The following TNIK variants were observed in gnomAD, a reference collection of about 807,000 sequenced individuals.
TNIK encodes TRAF2 and NCK interacting kinase.
Under a neutral mutation model 191.3 loss-of-function variants are expected in TNIK, and 49 were observed. That is an observed-to-expected ratio of 0.26 (90% CI 0.20 to 0.32). The LOEUF is 0.32. Ranked by LOEUF, TNIK falls within the 10% of genes least tolerant of loss-of-function variation. The probability of loss-of-function intolerance (pLI) is 1.00; values close to 1 mark genes in which losing one functional copy is unlikely to be tolerated. For missense variants in TNIK, 1,155 were observed against 1,702.3 expected (o/e 0.68, Z 5.66); for synonymous variants, 594 against 600.9 (o/e 0.99, Z 0.17).
chr3:171,293,575 T>C (rs1350703447), intron 2 of TNIK, among the ~76,000 whole-genome samples: 1 of 152,234 alleles, frequency 6.6e-6, no homozygotes, highest in East Asian at 1.9e-4. Flanking sequence ...TAATAGTGGC[T>C]AGTTTCCCCT....
At chr3:171,388,931 T>C (rs191582562) in intron 1 of TNIK, among the ~76,000 whole-genome samples, 69 of 152,288 alleles carry the variant, frequency 4.5e-4, no homozygotes, top group Non-Finnish European at 3.7e-4. Flanking sequence ...TTTAACAGTA[T>C]CAAAACTGAC....
chr3:171,214,515 T>C (rs1451968192), intron 3 of TNIK, among the ~76,000 whole-genome samples: 1 of 152,208 alleles, frequency 6.6e-6, no homozygotes, highest in Non-Finnish European at 1.5e-5. Flanking sequence ...AGAATTTGAA[T>C]AGCCTCTATT....
rs956441097 is a variant in TNIK at position 171,323,136 on chromosome 3, C to A, written c.123+46484G>T. Among the ~76,000 whole-genome samples the A allele has an allele frequency of 3.3e-5, 5 of 152,058 alleles. No homozygotes were observed. In the East Asian group the frequency reaches 7.7e-4, roughly 23 times the overall value. On this transcript the variant is annotated intron_variant, in intron 2 of 32. Transcript: ENST00000436636. ...GTAGTTGATTAGTTGTGACAAAGAC[C>A]GTATTTCTAGAAAGATTGAAATATC...
chr3:171,388,609 G>T (rs1719047034), intron 1 of TNIK, among the ~76,000 whole-genome samples: 1 of 152,102 alleles, frequency 6.6e-6, no homozygotes, highest in African/African-American at 2.4e-5. Context: ...ACTCACATAG[G>T]CATCCTTACA....
intron 1 of TNIK, among the ~76,000 whole-genome samples, chr3:171,375,005 T>C (rs1717023348): frequency 6.6e-6 from 1 of 152,164 alleles, no homozygotes; most frequent in Non-Finnish European, 1.5e-5. Flanking sequence ...AAACCTTGAG[T>C]TCCTAATCAC....
chr3:171,143,676 G>A (rs1289750010), intron 12 of TNIK, among the ~76,000 whole-genome samples: 1 of 152,116 alleles, frequency 6.6e-6, no homozygotes, highest in Non-Finnish European at 1.5e-5. Context: ...GCCGTGTGTG[G>A]GCAAGATCTC....
intron 1 of TNIK, among the ~76,000 whole-genome samples, chr3:171,398,454 C>T (rs184338391): frequency 2.0e-5 from 3 of 152,208 alleles, no homozygotes; most frequent in African/African-American, 7.2e-5. Context: ...AGTACCTGCA[C>T]AGTAGTGTTT....
rs892836742 is a variant in TNIK at position 171,150,465 on chromosome 3, A to C, written c.1221+6995T>G. Among the ~76,000 whole-genome samples the C allele has an allele frequency of 3.3e-5, 5 of 152,186 alleles. No homozygotes were observed. The East Asian group carries it at 9.6e-4, about 29-fold the overall frequency. ...GAAGGTACTATTTCCCTGATGCAAG[A>C]AGCTTGTTATTCACTCAGCACAAGA... On this transcript the variant is annotated intron_variant, in intron 12 of 32. Coordinates refer to ENST00000436636, the MANE Select transcript of TNIK (RefSeq NM_015028.4).
intron 8 of TNIK, 79 bp from the exon 9 acceptor site, chr3:171,175,409 T>G (rs1735843610): frequency 8.0e-7 from 1 of 1,248,108 alleles, no homozygotes; most frequent in African/African-American, 1.5e-5. Flanking sequence ...GTGCAGATAA[T>G]GGCTGCCCAA....
Position 171,347,011 on chromosome 3 carries a change from A to G in TNIK, c.123+22609T>C, listed in dbSNP as rs1402382857. 4 of 852,370 alleles carry G rather than the reference A, an allele frequency of 4.7e-6. No individual in the cohort carries two copies. In the East Asian group the frequency reaches 1.1e-4, roughly 23 times the overall value. 52.8% of individuals were successfully genotyped at this position (852,370 alleles called of 1,614,324 possible). A position where few individuals can be genotyped will look rare whatever the true frequency, so the allele number is the denominator to read the frequency against. On this transcript the variant is annotated intron_variant, in intron 2 of 32. Coordinates refer to ENST00000436636, the MANE Select transcript of TNIK (RefSeq NM_015028.4). The stretch of plus-strand genomic sequence containing the variant: ...GGGGCTGCAAGGATAACATCAAGGG[A>G]CAGTCCTGCAGGCGTTCATATGAGA...
intron 19 of TNIK, among the ~76,000 whole-genome samples, chr3:171,109,822 C>T (rs1725571980): frequency 6.6e-6 from 1 of 152,040 alleles, no homozygotes; most frequent in Non-Finnish European, 1.5e-5. Flanking sequence ...CTCCCCATTA[C>T]TGGAAACTAA....
chr3:171,353,820 A>G (rs1713593340), intron 2 of TNIK, among the ~76,000 whole-genome samples: 1 of 152,236 alleles, frequency 6.6e-6, no homozygotes, highest in African/African-American at 2.4e-5. Context: ...AGCTGAGTTA[A>G]AAAGTTAACT....
intron 10 of TNIK, among the ~76,000 whole-genome samples, chr3:171,165,868 C>T (rs917364004): frequency 2.0e-5 from 3 of 152,188 alleles, no homozygotes; most frequent in African/African-American, 7.2e-5. Flanking sequence ...AAAGCCCTCA[C>T]TGCTGTCCTC....
At chr3:171,335,831 A>C (rs1054470372) in intron 2 of TNIK, among the ~76,000 whole-genome samples, 7 of 152,200 alleles carry the variant, frequency 4.6e-5, no homozygotes, top group African/African-American at 1.4e-4. Context: ...AATAACCATA[A>C]GAAACTATGA....
chr3:171,413,253 G>A lies in TNIK; in HGVS notation c.58-43568C>T, dbSNP rs186886502. ...AATTAAGTCCTTCAGACACGGCTCTGATTAAATAACTAGCTGGTTTCAGAG... is the reference window on the plus strand; with the variant it reads ...AATTAAGTCCTTCAGACACGGCTCTAATTAAATAACTAGCTGGTTTCAGAG... On this transcript the variant is annotated intron_variant, in intron 1 of 32. Transcript: ENST00000436636. 2.1e-3 allele frequency among the ~76,000 whole-genome samples: 317 copies of A among 152,286 alleles called. 1 individual carries two copies. The highest frequency in any genetic ancestry group is 7.2e-3 in the African/African-American group (300 of 41,542).
intron 2 of TNIK, among the ~76,000 whole-genome samples, chr3:171,236,475 C>T (rs968602862): frequency 2.6e-4 from 39 of 152,216 alleles, no homozygotes; most frequent in African/African-American, 8.4e-4. Context: ...TCACTAGAGA[C>T]ATTAGCATTC....
At chr3:171,160,471 C>T (rs568864970) in intron 11 of TNIK, among the ~76,000 whole-genome samples, 36 of 151,552 alleles carry the variant, frequency 2.4e-4, no homozygotes, top group Non-Finnish European at 5.0e-4. Flanking sequence ...AGGGAGGCCA[C>T]ACCTCAATGA....
intron 2 of TNIK, among the ~76,000 whole-genome samples, chr3:171,362,902 G>C (rs1235760992): frequency 1.3e-5 from 2 of 152,230 alleles, no homozygotes; most frequent in Middle Eastern, 6.8e-3. Context: ...AAGCCTCTAA[G>C]CTTTTTCCAA....
chr3:171,387,169 T>C (rs780271852), intron 1 of TNIK, among the ~76,000 whole-genome samples: 17 of 152,196 alleles, frequency 1.1e-4, no homozygotes, highest in Non-Finnish European at 2.1e-4. Flanking sequence ...TTTAGAAGAA[T>C]GAGGAAACAG....
Sources: gnomAD v4.1 joint callset for allele counts (sites outside exome capture counted in the v4.1 genomes callset) on GRCh38, gnomAD v4.1.1 for gene constraint, MANE v1.5 for transcripts, NCBI Gene and HGNC (gene_info 2026-07-23, HGNC 2026-07-21) for gene names.